Variants in CNTN5 observed in about 807,000 individuals in gnomAD.
The protein encoded by CNTN5 is contactin 5.
In CNTN5, 77 loss-of-function variants were observed where a neutral mutation model predicts 129.1. The observed-to-expected ratio is 0.60, with a 90% CI of 0.50 to 0.72. CNTN5 has a LOEUF of 0.72. Ranked by LOEUF, CNTN5 falls within the 30% of genes least tolerant of loss-of-function variation. The pLI is 0.00. For synonymous variants in CNTN5, 509 were observed against 465.6 expected (o/e 1.09, Z -1.20); for missense variants, 1,478 against 1,328.8 (o/e 1.11, Z -1.75).
At chr11:99,383,993 G>T (rs1210966972) in intron 2 of CNTN5, among the ~76,000 whole-genome samples, 3 of 151,952 alleles carry the variant, frequency 2.0e-5, no homozygotes, top group Non-Finnish European at 4.4e-5. Flanking sequence ...AGACCAGGAG[G>T]GTTTTATCCA....
chr11:99,699,177 A>C (rs924536916), intron 3 of CNTN5, among the ~76,000 whole-genome samples: 16 of 151,496 alleles, frequency 1.1e-4, no homozygotes, highest in African/African-American at 3.9e-4. Flanking sequence ...ACAATTTCTT[A>C]CAAAAGCAAA....
chr11:99,278,237 G>C (rs1040905451), intron 1 of CNTN5, among the ~76,000 whole-genome samples: 17 of 151,592 alleles, frequency 1.1e-4, no homozygotes, highest in African/African-American at 4.1e-4. Context: ...CTTACTATGT[G>C]CTAACAGTGG....
At chr11:99,033,006 A>C (rs977520008) in intron 1 of CNTN5, among the ~76,000 whole-genome samples, 4 of 137,470 alleles carry the variant, frequency 2.9e-5, no homozygotes, top group Non-Finnish European at 6.1e-5. Flanking sequence ...TTTTCCCAGC[A>C]CCATTTATTA....
chr11:100,286,318 A>G (rs1466742986), intron 18 of CNTN5, among the ~76,000 whole-genome samples: 10 of 152,036 alleles, frequency 6.6e-5, no homozygotes, highest in Non-Finnish European at 1.3e-4. Flanking sequence ...CAGACAAACA[A>G]AAAGACAGCA....
chr11:99,533,442 C>A (rs139924475), intron 2 of CNTN5, among the ~76,000 whole-genome samples: 1 of 152,308 alleles, frequency 6.6e-6, no homozygotes, highest in African/African-American at 2.4e-5. Context: ...ATGTAAATAC[C>A]ACTCAGTCTC....
chr11:99,710,526 C>T (rs1171499381), intron 3 of CNTN5, among the ~76,000 whole-genome samples: 2 of 151,296 alleles, frequency 1.3e-5, no homozygotes, highest in South Asian at 2.1e-4. Context: ...ATGGCCCCTA[C>T]TGCAGAGTTC....
chr11:100,127,983 G>A, intron 13 of CNTN5, among the ~76,000 whole-genome samples: 1 of 151,646 alleles, frequency 6.6e-6, no homozygotes, highest in East Asian at 1.9e-4. Flanking sequence ...CTTTCTTAGG[G>A]TAGGAATAAT....
intron 1 of CNTN5, among the ~76,000 whole-genome samples, chr11:99,030,780 C>CTTTTTTTTTTTTTT (rs71305325): frequency 8.3e-6 from 1 of 120,246 alleles, no homozygotes; most frequent in Non-Finnish European, 1.7e-5. Context: ...TGCTAACTCT[C>CTTTTTTTTTTTTTT]TTTTTTTTTT....
intron 1 of CNTN5, among the ~76,000 whole-genome samples, chr11:99,087,055 G>A (rs866244084): frequency 6.6e-6 from 1 of 152,154 alleles, no homozygotes; most frequent in African/African-American, 2.4e-5. Context: ...ACTGAATCTG[G>A]CTGTGGGTTT....
intron 3 of CNTN5, among the ~76,000 whole-genome samples, chr11:99,769,954 A>C (rs1376427753): frequency 6.6e-6 from 1 of 152,168 alleles, no homozygotes; most frequent in Non-Finnish European, 1.5e-5. Flanking sequence ...GAATGTATGT[A>C]AGTTGGTGTT....
At chr11:100,064,440 G>T (rs1205021336) in intron 10 of CNTN5, among the ~76,000 whole-genome samples, 1 of 152,036 alleles carries the variant, frequency 6.6e-6, no homozygotes, top group Non-Finnish European at 1.5e-5. Context: ...ACATCAAGAA[G>T]TCCATGGTAG....
At chr11:99,275,945 A>G (rs1322270110) in intron 1 of CNTN5, among the ~76,000 whole-genome samples, 1 of 151,596 alleles carries the variant, frequency 6.6e-6, no homozygotes, top group Non-Finnish European at 1.5e-5. Flanking sequence ...AATTGAAGCC[A>G]TATTTGAACA....
At chr11:99,086,874 A>T (rs535178345) in intron 1 of CNTN5, among the ~76,000 whole-genome samples, 1 of 152,292 alleles carries the variant, frequency 6.6e-6, no homozygotes, top group South Asian at 2.1e-4. Flanking sequence ...CATATGCCAG[A>T]TATAGCTTCC....
intron 13 of CNTN5, among the ~76,000 whole-genome samples, chr11:100,159,326 C>T (rs1947361876): frequency 6.6e-6 from 1 of 151,784 alleles, no homozygotes; most frequent in Admixed American, 6.6e-5. Flanking sequence ...TAGGTGTTCC[C>T]TTCATTATTT....
chr11:99,777,309 ATGT>A (rs1248287626), intron 3 of CNTN5, among the ~76,000 whole-genome samples: 2 of 151,848 alleles, frequency 1.3e-5, no homozygotes, highest in African/African-American at 2.4e-5. Flanking sequence ...ATGATTACAA[ATGT>A]TGTGCATCTC....
intron 13 of CNTN5, among the ~76,000 whole-genome samples, chr11:100,160,019 G>T (rs1248653249): frequency 6.6e-6 from 1 of 151,794 alleles, no homozygotes; most frequent in East Asian, 1.9e-4. Flanking sequence ...ATGGTGGTTT[G>T]CTGCACCCAT....
At chr11:99,121,554 G>A (rs2135408808) in intron 1 of CNTN5, among the ~76,000 whole-genome samples, 1 of 151,866 alleles carries the variant, frequency 6.6e-6, no homozygotes, top group East Asian at 1.9e-4. Context: ...CAGCCTCCCA[G>A]GGCAGTAAAG....
chr11:99,470,855 A>T (rs1295346998), intron 2 of CNTN5, among the ~76,000 whole-genome samples: 1 of 152,030 alleles, frequency 6.6e-6, no homozygotes, highest in East Asian at 1.9e-4. Context: ...TTAAGTTTGC[A>T]GTTGGATGCT....
intron 2 of CNTN5, among the ~76,000 whole-genome samples, chr11:99,495,169 C>T (rs1356702312): frequency 1.3e-5 from 2 of 152,062 alleles, no homozygotes; most frequent in African/African-American, 4.8e-5. Flanking sequence ...GAGTTCAAGA[C>T]CAGCCTGACC....
Sources: gnomAD v4.1 joint callset for allele counts (sites outside exome capture counted in the v4.1 genomes callset) on GRCh38, gnomAD v4.1.1 for gene constraint, MANE v1.5 for transcripts, NCBI Gene and HGNC (gene_info 2026-07-23, HGNC 2026-07-21) for gene names.